PRLR: variants seen among roughly 807,000 people sequenced by gnomAD.
The protein encoded by PRLR is prolactin receptor.
PRLR carries 13 observed loss-of-function variants against 40.2 expected under a neutral mutation model. The observed-to-expected ratio is 0.32, with a 90% confidence interval of 0.21 to 0.51. The LOEUF (loss-of-function observed/expected upper bound fraction) is 0.51, where lower values mean the gene tolerates loss of function less well. PRLR is among the 20% of genes least tolerant of loss of function. The pLI is 0.97. For missense variants in PRLR, 656 were observed against 747.3 expected (o/e 0.88, Z 1.42); for synonymous variants, 269 against 278.7 (o/e 0.97, Z 0.35).
At chr5:35,195,152 C>G (rs1031857119) in intron 1 of PRLR, 1 of 152,278 alleles carries the variant, frequency 6.6e-6, no homozygotes, top group Non-Finnish European at 1.5e-5. Context: ...AGTTCCCTGT[C>G]TGGCCTCTCT....
chr5:35,137,095 C>T (rs1157884974), intron 1 of PRLR, among the ~76,000 whole-genome samples: 1 of 152,128 alleles, frequency 6.6e-6, no homozygotes, highest in Non-Finnish European at 1.5e-5. Flanking sequence ...TATCAGCAAA[C>T]GTTTACTGAG....
At chr5:35,105,687 G>A (rs1167366529) in intron 2 of PRLR, among the ~76,000 whole-genome samples, 6 of 152,022 alleles carry the variant, frequency 3.9e-5, no homozygotes, top group Non-Finnish European at 7.4e-5. Flanking sequence ...GAAAAAAAGA[G>A]TAAAAAGAAA....
intron 1 of PRLR, among the ~76,000 whole-genome samples, chr5:35,145,158 C>T (rs1774145699): frequency 6.6e-6 from 1 of 152,172 alleles, no homozygotes; most frequent in Non-Finnish European, 1.5e-5. Flanking sequence ...AATTGATTTT[C>T]ACAAACGTTT....
intron 1 of PRLR, among the ~76,000 whole-genome samples, chr5:35,145,494 C>A (rs1385830337): frequency 6.6e-6 from 1 of 152,120 alleles, no homozygotes; most frequent in Admixed American, 6.5e-5. Flanking sequence ...CAAATGCACC[C>A]TTTGAAGGTC....
chr5:35,222,227 C>T (rs190989395), intron 1 of PRLR, among the ~76,000 whole-genome samples: 66 of 152,052 alleles, frequency 4.3e-4, no homozygotes, highest in African/African-American at 1.4e-3. Flanking sequence ...AGCTTGAACC[C>T]GGGAGGCAGA....
chr5:35,204,000 C>T (rs1775947050), intron 1 of PRLR, among the ~76,000 whole-genome samples: 1 of 152,000 alleles, frequency 6.6e-6, no homozygotes, highest in Non-Finnish European at 1.5e-5. Context: ...AAAAACAACA[C>T]AGCTCTAATT....
chr5:35,067,219 G>A (rs1170204322), intron 9 of PRLR, among the ~76,000 whole-genome samples: 6 of 152,148 alleles, frequency 3.9e-5, no homozygotes, highest in Admixed American at 2.0e-4. Flanking sequence ...CCATCTGGGA[G>A]GGTTCTTTTG....
At chr5:35,163,186 C>A (rs187553995) in intron 1 of PRLR, among the ~76,000 whole-genome samples, 3 of 152,216 alleles carry the variant, frequency 2.0e-5, no homozygotes, top group Non-Finnish European at 2.9e-5. Context: ...TTGGAGAGGG[C>A]CCCTGTTTCT....
rs570709997 is a variant in PRLR, at chr5:35,204,226, T to A, written c.-106+26042A>T. The stretch of plus-strand genomic sequence containing the variant: ...AAAATTTCTGTCTCAAAAAAAAAAA[T>A]AATAAATAAAATGAAAAAAAAAACA... On this transcript the variant is annotated intron_variant, in intron 1 of 9. Transcript: ENST00000618457. Among the ~76,000 whole-genome samples, 280 of 139,696 alleles carry A rather than the reference T, an allele frequency of 2.0e-3. 1 individual carries two copies. Among genetic ancestry groups the A allele is most frequent in the African/African-American group, 5.4e-3 (207 of 38,584 alleles). The allele number at this position is 139,696 out of a possible 152,430, so 91.6% of individuals were successfully genotyped here.
At chr5:35,134,616 G>A (rs1293014649) in intron 1 of PRLR, among the ~76,000 whole-genome samples, 1 of 152,176 alleles carries the variant, frequency 6.6e-6, no homozygotes, top group African/African-American at 2.4e-5. Flanking sequence ...TTGCCTTCTG[G>A]CATGAAATTA....
rs1041639457 is a variant in PRLR, at chr5:35,061,024, A to C, written c.*4065T>G. The C allele has an allele frequency of 1.3e-5, 2 of 152,120 alleles. No homozygotes were observed. Among genetic ancestry groups the C allele is most frequent in the African/African-American group, 4.8e-5 (2 of 41,418 alleles). The allele number at this position is 152,120 out of a possible 1,614,324, so 9.4% of individuals were successfully genotyped here. ...TGTTGATTCAATTAAACAATACGTA[A>C]ACATTCACTGAACATTGCTGGTTGG... On this transcript the variant is annotated 3_prime_UTR_variant, in exon 10 of 10. Transcript: ENST00000618457.
intron 1 of PRLR, among the ~76,000 whole-genome samples, chr5:35,165,174 T>C (rs762856656): frequency 6.6e-6 from 1 of 152,206 alleles, no homozygotes; most frequent in Non-Finnish European, 1.5e-5. Context: ...TCTGGATGAC[T>C]TTCCCAGGTG....
At chr5:35,144,875 C>T (rs1169674421) in intron 1 of PRLR, among the ~76,000 whole-genome samples, 1 of 152,068 alleles carries the variant, frequency 6.6e-6, no homozygotes, top group South Asian at 2.1e-4. Flanking sequence ...ACTACAGGTG[C>T]GTGAGGTAAC....
At position 35,070,244 on chromosome 5, in the gene PRLR, T is replaced by C; in HGVS notation, c.565A>G (p.Thr189Ala). The C allele has an allele frequency of 1.2e-6, 2 of 1,613,950 alleles. No homozygotes were observed. Among genetic ancestry groups the C allele is most frequent in the South Asian group, 2.2e-5 (2 of 91,002 alleles). Residue 189 changes from threonine (T) to alanine (A), a missense_variant, in exon 7 of 10, where the codon ACA becomes GCA. By Grantham distance (58) the Thr-to-Ala change is moderately conservative. Transcript: ENST00000618457. ...TGTAGGCTGAGAATCTTAAACTCTG[T>C]TTGCTGCCCAGCAAAATGGATCTAA... ...EWEIHFAGQQ[T>A]EFKILSLHPG...
At chr5:35,126,592 C>T (rs75165254) in intron 1 of PRLR, among the ~76,000 whole-genome samples, 11,656 of 152,140 alleles carry the variant, frequency 0.077, 594 homozygotes, top group Non-Finnish European at 0.11. Flanking sequence ...GATTCTGAAT[C>T]GGACCAAAAG....
intron 1 of PRLR, among the ~76,000 whole-genome samples, chr5:35,173,899 T>C (rs1775069114): frequency 6.6e-6 from 1 of 152,184 alleles, no homozygotes. Context: ...TTATTACATA[T>C]GTATGAATGT....
intron 3 of PRLR, among the ~76,000 whole-genome samples, chr5:35,087,352 C>G (rs529177446): frequency 5.3e-5 from 8 of 152,004 alleles, no homozygotes; most frequent in African/African-American, 1.9e-4. Context: ...GTCTCCTCAT[C>G]CACCCCATCC....
At chr5:35,110,832 C>A (rs768239904) in intron 2 of PRLR, among the ~76,000 whole-genome samples, 2 of 152,204 alleles carry the variant, frequency 1.3e-5, no homozygotes, top group Non-Finnish European at 2.9e-5. Context: ...TGTCCCCCAA[C>A]AGAAAGCTGG....
At position 35,062,164 on chromosome 5, in the gene PRLR, T is replaced by C. The variant is rs559892066; in HGVS notation, c.*2925A>G. ...CACTGAAGATTACTTTGTATTTCTA[T>C]GATGAAGAGCAATTTTTTGTTAGAT... On this transcript the variant is annotated 3_prime_UTR_variant, in exon 10 of 10. Coordinates refer to ENST00000618457, the MANE Select transcript of PRLR (RefSeq NM_000949.7). The C allele has an allele frequency of 1.3e-5, 2 of 152,328 alleles. No homozygotes were observed. The highest frequency in any genetic ancestry group is 4.1e-4 in the South Asian group (2 of 4,828). 9.4% of individuals were successfully genotyped at this position (152,328 alleles called of 1,614,324 possible). A position where few individuals can be genotyped will look rare whatever the true frequency, so the allele number is the denominator to read the frequency against.
Sources: gnomAD v4.1 joint callset for allele counts (sites outside exome capture counted in the v4.1 genomes callset) on GRCh38, gnomAD v4.1.1 for gene constraint, MANE v1.5 for transcripts, NCBI Gene and HGNC (gene_info 2026-07-23, HGNC 2026-07-21) for gene names.